RERE: variants seen among roughly 807,000 people sequenced by gnomAD.
RERE encodes the protein arginine-glutamic acid dipeptide repeats protein.
In RERE, 40 loss-of-function variants were observed where a neutral mutation model predicts 146.1. The ratio of observed to expected loss-of-function variants is 0.27; its 90% confidence interval spans 0.21 to 0.36. RERE has a LOEUF of 0.36. RERE is among the 10% of genes least tolerant of loss of function. The pLI is 1.00. For missense variants in RERE, 1,933 were observed against 2,138.7 expected (o/e 0.90, Z 1.90); for synonymous variants, 1,003 against 866.0 (o/e 1.16, Z -2.78).
At chr1:8,520,753 TTAAAAAAAAAAA>T in intron 7 of RERE, among the ~76,000 whole-genome samples, 1 of 78,166 alleles carries the variant, frequency 1.3e-5, no homozygotes, top group African/African-American at 4.3e-5. Flanking sequence ...AAAAAACTTT[TTAAAAAAAAAAA>T]AAAAAAAAAA....
intron 1 of RERE, among the ~76,000 whole-genome samples, chr1:8,778,773 T>C (rs557093715): frequency 1.3e-5 from 2 of 152,162 alleles, no homozygotes; most frequent in South Asian, 2.1e-4. Flanking sequence ...GAGGTGGACA[T>C]TGCAGTGAGT....
intron 1 of RERE, among the ~76,000 whole-genome samples, chr1:8,715,170 C>T (rs1401597170): frequency 6.6e-6 from 1 of 151,818 alleles, no homozygotes; most frequent in Non-Finnish European, 1.5e-5. Flanking sequence ...CCACGCCCAG[C>T]CCACAATATT....
At chr1:8,404,286 G>A (rs1332142669) in intron 12 of RERE, among the ~76,000 whole-genome samples, 5 of 152,058 alleles carry the variant, frequency 3.3e-5, no homozygotes, top group African/African-American at 9.7e-5. Flanking sequence ...GCGTGGTGGC[G>A]GGCGCCTGTA....
At position 8,622,938 on chromosome 1, in the gene RERE, A is replaced by C. The variant is rs572275870; in HGVS notation, c.396+1372T>G. Among the ~76,000 whole-genome samples the C allele has an allele frequency of 2.0e-5, 3 of 152,344 alleles. No individual in the cohort carries two copies. In the East Asian group the frequency reaches 5.8e-4, roughly 29 times the overall value. On this transcript the variant is annotated intron_variant, in intron 3 of 22. Coordinates refer to ENST00000400908, the MANE Select transcript of RERE (RefSeq NM_001042681.2). ...CAGAACACAAATATTGTCAAATTAC[A>C]AAGGGTGTTGGAAATAAGAGCATTC...
chr1:8,630,506 G>T (rs995210599), intron 2 of RERE, among the ~76,000 whole-genome samples: 1 of 152,132 alleles, frequency 6.6e-6, no homozygotes, highest in African/African-American at 2.4e-5. Flanking sequence ...GAAATAACTC[G>T]ATTGCCAGGT....
intron 4 of RERE, among the ~76,000 whole-genome samples, chr1:8,601,626 CCACACACA>C (rs3082094): frequency 0.15 from 14,170 of 94,342 alleles, 641 homozygotes; most frequent in Middle Eastern, 0.24. Context: ...TCCAAGGTCA[CCACACACA>C]CACACACACA....
At chr1:8,647,417 A>C (rs1200548241) in intron 2 of RERE, among the ~76,000 whole-genome samples, 1 of 151,948 alleles carries the variant, frequency 6.6e-6, no homozygotes, top group Non-Finnish European at 1.5e-5. Context: ...TGAATTTGTC[A>C]CATGTCGGAA....
chr1:8,561,393 A>G (rs1283582685), intron 4 of RERE, among the ~76,000 whole-genome samples: 1 of 152,198 alleles, frequency 6.6e-6, no homozygotes, highest in Admixed American at 6.5e-5. Flanking sequence ...TTAAAAATGA[A>G]AAGTCCATAA....
intron 12 of RERE, among the ~76,000 whole-genome samples, chr1:8,419,274 G>C (rs1643858287): frequency 6.6e-6 from 1 of 152,114 alleles, no homozygotes; most frequent in Non-Finnish European, 1.5e-5. Flanking sequence ...TAAACAGTTG[G>C]GTTTTCCGCA....
chr1:8,617,807 T>C (rs1435034218), intron 3 of RERE, among the ~76,000 whole-genome samples: 3 of 152,232 alleles, frequency 2.0e-5, no homozygotes, highest in Non-Finnish European at 4.4e-5. Context: ...AATATAATGA[T>C]GCCTAAAAAA....
rs869295197 is a variant in RERE, at chr1:8,403,825, C to CTTTTTTTTTTTTTTTTTTTTTTTTTTTTT, written c.1284+18901_1284+18902insAAAAAAAAAAAAAAAAAAAAAAAAAAAAA. Among the ~76,000 whole-genome samples, 6 of 70,864 alleles carry CTTTTTTTTTTTTTTTTTTTTTTTTTTTTT rather than the reference C, an allele frequency of 8.5e-5. 1 individual carries two copies. Among genetic ancestry groups the CTTTTTTTTTTTTTTTTTTTTTTTTTTTTT allele is most frequent in the African/African-American group, 3.5e-4 (6 of 17,000 alleles). 46.5% of individuals were successfully genotyped at this position (70,864 alleles called of 152,430 possible). ...TCTATTTTTCTTAATAAAATCTTAG[C>CTTTTTTTTTTTTTTTTTTTTTTTTTTTTT]TTTTTTTTTTTTTTTTTTTTTTTGA... On this transcript the variant is annotated intron_variant, in intron 12 of 22. Coordinates refer to ENST00000400908, the MANE Select transcript of RERE (RefSeq NM_001042681.2).
At chr1:8,595,144 A>G (rs1646539910) in intron 4 of RERE, among the ~76,000 whole-genome samples, 1 of 148,320 alleles carries the variant, frequency 6.7e-6, no homozygotes, top group Non-Finnish European at 1.5e-5. Flanking sequence ...TAGGTGACAG[A>G]GCAAGACCGT....
chr1:8,741,465 G>A (rs1037386296), intron 1 of RERE, among the ~76,000 whole-genome samples: 1 of 152,178 alleles, frequency 6.6e-6, no homozygotes, highest in African/African-American at 2.4e-5. Flanking sequence ...CACATGTCAA[G>A]AGAGAGACCA....
intron 12 of RERE, among the ~76,000 whole-genome samples, chr1:8,422,163 T>C (rs547311341): frequency 3.9e-5 from 6 of 152,204 alleles, no homozygotes; most frequent in Non-Finnish European, 8.8e-5. Flanking sequence ...AGTAGTTTTT[T>C]GTAAAGCTCC....
intron 4 of RERE, among the ~76,000 whole-genome samples, chr1:8,558,146 AGAT>A (rs1199775943): frequency 1.3e-5 from 2 of 152,232 alleles, no homozygotes; most frequent in African/African-American, 4.8e-5. Context: ...CCGAATCTCC[AGAT>A]AATAGAACAT....
At position 8,805,007 on chromosome 1, in the gene RERE, G is replaced by GTTTTTTTTTTTTTTT. The variant is rs1557553356; in HGVS notation, c.-145+12152_-145+12153insAAAAAAAAAAAAAAA. On this transcript the variant is annotated intron_variant, in intron 1 of 22. Coordinates refer to ENST00000400908, the MANE Select transcript of RERE (RefSeq NM_001042681.2). ...ATTTTTTTTGTTTTGTTTTGTTTTT[G>GTTTTTTTTTTTTTTT]GTTTTTTTTTTTTTTTTTTTTGAGA... Among the ~76,000 whole-genome samples the GTTTTTTTTTTTTTTT allele has an allele frequency of 1.3e-3, 82 of 61,326 alleles. 4 individuals are homozygous for GTTTTTTTTTTTTTTT. Among genetic ancestry groups the GTTTTTTTTTTTTTTT allele is most frequent in the Middle Eastern group, 0.014 (2 of 138 alleles). 40.2% of individuals were successfully genotyped at this position (61,326 alleles called of 152,430 possible).
chr1:8,451,159 G>A (rs1251678770), intron 11 of RERE, among the ~76,000 whole-genome samples: 2 of 152,146 alleles, frequency 1.3e-5, no homozygotes, highest in Admixed American at 6.5e-5. Context: ...AGCTGGGCGC[G>A]GTGGCTCACA....
intron 1 of RERE, among the ~76,000 whole-genome samples, chr1:8,746,798 G>A (rs545519154): frequency 2.0e-5 from 3 of 148,484 alleles, no homozygotes; most frequent in East Asian, 2.0e-4. Flanking sequence ...GTGTGGGAGC[G>A]TGTATGGGGG....
At chr1:8,639,049 A>G (rs939524838) in intron 2 of RERE, among the ~76,000 whole-genome samples, 1 of 152,186 alleles carries the variant, frequency 6.6e-6, no homozygotes, top group Middle Eastern at 3.2e-3. Flanking sequence ...CTGGGATTAC[A>G]GGCGTGAGCC....
Sources: allele counts gnomAD v4.1 joint callset (sites outside exome capture counted in the v4.1 genomes callset), GRCh38; gene constraint gnomAD v4.1.1; transcripts MANE v1.5; gene names NCBI Gene and HGNC (gene_info 2026-07-23, HGNC 2026-07-21).